Variants in VGLL4 observed in about 807,000 individuals in gnomAD.
The protein encoded by VGLL4 is transcription cofactor vestigial-like protein 4.
VGLL4 carries 7 observed loss-of-function variants against 21.0 expected under a neutral mutation model. That is an observed-to-expected ratio of 0.33 (90% CI 0.19 to 0.63). The LOEUF (loss-of-function observed/expected upper bound fraction) is 0.63, where lower values mean the gene tolerates loss of function less well. Ranked by LOEUF, VGLL4 falls within the 20% of genes least tolerant of loss-of-function variation. VGLL4 has a pLI of 0.78. For synonymous variants in VGLL4, 222 were observed against 173.2 expected (o/e 1.28, Z -2.21); for missense variants, 394 against 425.7 (o/e 0.93, Z 0.66).
At chr3:11,593,056 T>C (rs564437072) in intron 2 of VGLL4, among the ~76,000 whole-genome samples, 18 of 152,358 alleles carry the variant, frequency 1.2e-4, no homozygotes, top group African/African-American at 3.4e-4. Context: ...TACACATTAC[T>C]GTTTACGACG....
intron 1 of VGLL4, among the ~76,000 whole-genome samples, chr3:11,707,327 C>CAAA (rs34222383): frequency 1.0e-3 from 44 of 43,036 alleles, no homozygotes; most frequent in East Asian, 3.1e-3. Flanking sequence ...GACCCTGCCT[C>CAAA]AAAAAAAAAA....
At chr3:11,595,961 T>C (rs567590583) in intron 2 of VGLL4, among the ~76,000 whole-genome samples, 1 of 151,828 alleles carries the variant, frequency 6.6e-6, no homozygotes, top group Non-Finnish European at 1.5e-5. Flanking sequence ...TGTGCACATG[T>C]ACCCTAAAAC....
chr3:11,574,772 A>C (rs1471166942), intron 2 of VGLL4, among the ~76,000 whole-genome samples: 4 of 137,970 alleles, frequency 2.9e-5, no homozygotes, highest in Admixed American at 2.9e-4. Context: ...AATTACTGTC[A>C]ATTCAACTAT....
intron 1 of VGLL4, among the ~76,000 whole-genome samples, chr3:11,604,029 C>T (rs1456364241): frequency 6.6e-6 from 1 of 152,190 alleles, no homozygotes; most frequent in African/African-American, 2.4e-5. Flanking sequence ...GACTGAATCA[C>T]TGATGTCTAA....
intron 2 of VGLL4, among the ~76,000 whole-genome samples, chr3:11,690,961 AG>A (rs1421549084): frequency 3.3e-5 from 5 of 152,180 alleles, no homozygotes; most frequent in African/African-American, 1.2e-4. Flanking sequence ...AAGAGTATAA[AG>A]AAAAGATGTG....
chr3:11,626,513 C>T (rs996760779), intron 1 of VGLL4: 4 of 437,442 alleles, frequency 9.1e-6, no homozygotes, highest in Middle Eastern at 3.4e-4. Flanking sequence ...GATTTCATTA[C>T]CTTGAAAGGC....
intron 2 of VGLL4, among the ~76,000 whole-genome samples, chr3:11,678,106 T>C (rs1487727598): frequency 6.6e-6 from 1 of 152,002 alleles, no homozygotes; most frequent in Non-Finnish European, 1.5e-5. Flanking sequence ...CAGGCTAGAG[T>C]GCAGTAGCGC....
intron 3 of VGLL4, among the ~76,000 whole-genome samples, chr3:11,563,735 C>T (rs1020596493): frequency 2.0e-5 from 3 of 152,206 alleles, no homozygotes; most frequent in African/African-American, 7.2e-5. Context: ...TTCTGGTACC[C>T]CCTGGCACAC....
chr3:11,587,989 AAGG>A (rs755351324), intron 2 of VGLL4, among the ~76,000 whole-genome samples: 2 of 152,218 alleles, frequency 1.3e-5, no homozygotes, highest in African/African-American at 2.4e-5. Flanking sequence ...TTAGCAGGGA[AAGG>A]AGAGCGGTGG....
chr3:11,612,207 A>C (rs968433770), intron 1 of VGLL4: 1 of 152,186 alleles, frequency 6.6e-6, no homozygotes, highest in African/African-American at 2.4e-5. Flanking sequence ...ATTGTTATTC[A>C]TTTAATTAGG....
intron 1 of VGLL4, among the ~76,000 whole-genome samples, chr3:11,615,207 T>A (rs1261749533): frequency 6.6e-6 from 1 of 152,176 alleles, no homozygotes; most frequent in Non-Finnish European, 1.5e-5. Flanking sequence ...CGAACTGACC[T>A]GTCTCTTTTT....
Position 11,568,826 on chromosome 3 carries a change from A to C in VGLL4, c.273-3807T>G. ...CCCACGGCATCCCCGCGAACACCCA[A>C]AGGACTCTGAGTGGCTCCGTGCCAG... On this transcript the variant is annotated intron_variant, in intron 2 of 4. Coordinates refer to ENST00000430365, the MANE Select transcript of VGLL4 (RefSeq NM_001128219.3). This position sits in a 1 kb window ranked among gnomAD's most constrained non-coding sequence, Gnocchi z 5.9. 7.1e-7 allele frequency: 1 copy of C among 1,411,506 alleles called. No homozygotes were observed. 87.4% of individuals were successfully genotyped at this position (1,411,506 alleles called of 1,614,324 possible).
Position 11,558,396 on chromosome 3 carries a change from CA to C in VGLL4, c.*159del. On this transcript the variant is annotated 3_prime_UTR_variant, in exon 5 of 5. Coordinates refer to ENST00000430365, the MANE Select transcript of VGLL4 (RefSeq NM_001128219.3). ...CCCTTGTACGGATACCAAGCAAGTA[CA>C]AAAACAGAACACAAATCCCAACAAC... The C allele has an allele frequency of 8.0e-7, 1 of 1,256,806 alleles. No homozygotes were observed. The highest frequency in any genetic ancestry group is 1.5e-5 in the African/African-American group (1 of 66,150). 77.9% of individuals were successfully genotyped at this position (1,256,806 alleles called of 1,614,324 possible).
At chr3:11,604,602 G>C in intron 1 of VGLL4, 1 of 856,312 alleles carries the variant, frequency 1.2e-6, no homozygotes, top group Non-Finnish European at 1.4e-6. Flanking sequence ...AACTGAAGCA[G>C]ACATTTGTTC....
chr3:11,559,887 G>A (rs556198515), intron 3 of VGLL4, among the ~76,000 whole-genome samples: 3 of 151,806 alleles, frequency 2.0e-5, no homozygotes, highest in Non-Finnish European at 2.9e-5. Flanking sequence ...TTCAATACAC[G>A]GCAATTAACT....
chr3:11,703,105 A>T, intron 1 of VGLL4: 3 of 1,471,458 alleles, frequency 2.0e-6, no homozygotes, highest in Non-Finnish European at 1.8e-6. Flanking sequence ...AAAGACTCTT[A>T]GAATCCTAGT....
intron 2 of VGLL4, among the ~76,000 whole-genome samples, chr3:11,670,902 T>C (rs1264509092): frequency 6.6e-6 from 1 of 152,038 alleles, no homozygotes; most frequent in Non-Finnish European, 1.5e-5. Flanking sequence ...CAAGGTGTGG[T>C]GGCGCATGCC....
At chr3:11,669,195 T>C (rs1331754139) in intron 2 of VGLL4, among the ~76,000 whole-genome samples, 2 of 152,222 alleles carry the variant, frequency 1.3e-5, no homozygotes. Flanking sequence ...GGATAGAATT[T>C]TGGCAGTGTT....
At chr3:11,573,340 A>C (rs1056535919) in intron 2 of VGLL4, among the ~76,000 whole-genome samples, 11 of 92,272 alleles carry the variant, frequency 1.2e-4, no homozygotes, top group Admixed American at 3.3e-4. Flanking sequence ...AGAAAGAAAG[A>C]AAGAAAGAAA....
Sources: gnomAD v4.1 joint callset for allele counts (sites outside exome capture counted in the v4.1 genomes callset) on GRCh38, gnomAD v4.1.1 for gene constraint, Gnocchi (gnomAD v3.1) non-coding constraint, MANE v1.5 for transcripts, NCBI Gene and HGNC (gene_info 2026-07-23, HGNC 2026-07-21) for gene names.